The following PLEKHG2 variants were observed in gnomAD, a reference collection of about 807,000 sequenced individuals.
The protein encoded by PLEKHG2 is pleckstrin homology and RhoGEF domain containing G2.
PLEKHG2 carries 71 observed loss-of-function variants against 104.4 expected under a neutral mutation model. The ratio of observed to expected loss-of-function variants is 0.68; its 90% CI spans 0.56 to 0.83. The LOEUF is 0.83. PLEKHG2 is among the 40% of genes least tolerant of loss of function. The probability of loss-of-function intolerance (pLI) is 0.00; values close to 1 mark genes in which losing one functional copy is unlikely to be tolerated. For missense variants in PLEKHG2, 1,730 were observed against 1,809.4 expected (o/e 0.96, Z 0.80); for synonymous variants, 728 against 737.0 (o/e 0.99, Z 0.20).
intron 16 of PLEKHG2, chr19:39,421,797 A>T: frequency 4.2e-6 from 1 of 235,774 alleles, no homozygotes. Context: ...TAGGTGGATC[A>T]TCTGAGATCA....
rs774015518 is a variant in PLEKHG2 at position 39,424,111 on chromosome 19, G to T, written c.2978G>T (p.Ser993Ile). Residue 993 changes from serine (S) to isoleucine (I), a missense_variant, in exon 19 of 19, where the codon AGT becomes ATT. Transcript: ENST00000425673. ...PATTPLPEHR[S>I]HMVIPAPSTA... ...ACCACTCCTTTGCCTGAGCATAGAA[G>T]TCACATGGTTATACCAGCTCCATCC... The T allele has an allele frequency of 1.9e-6, 3 of 1,614,028 alleles. No homozygotes were observed. The highest frequency in any genetic ancestry group is 1.7e-4 in the Middle Eastern group (1 of 6,060).
chr19:39,418,032 T>A lies in PLEKHG2; in HGVS notation c.1010T>A (p.Leu337His). The change falls in exon 9 of 19, where the codon CTC becomes CAC. Residue 337 changes from leucine (L) to histidine (H), a missense_variant. By Grantham distance (99) the Leu-to-His change is moderately conservative. Transcript: ENST00000425673. The stretch of plus-strand genomic sequence containing the variant: ...CGGCTACGAGGGGGTGAGCGGCTGC[T>A]CTTCCTGTTCTCTCGGATGCTGCTG... The part of the protein sequence containing the change: ...GPRLRGGERL[L>H]FLFSRMLLVA... The A allele has an allele frequency of 6.4e-7, 1 of 1,555,820 alleles. No individual in the cohort carries two copies. The highest frequency in any genetic ancestry group is 8.7e-7 in the Non-Finnish European group (1 of 1,151,142).
rs1021204898 is a variant in PLEKHG2 at position 39,422,865 on chromosome 19, T to C, written c.1811T>C (p.Met604Thr). Residue 604 changes from methionine (M) to threonine (T), a missense_variant, in exon 18 of 19, where the codon ATG becomes ACG. Transcript: ENST00000425673. ...GAGGAGGAAGAGGAAGGGCTGGAGA[T>C]GGATGAACGGGGGCCTTCCCCACTC... ...EEEEEEEGLEMDERGPSPLHV... is the reference protein window; with the variant it reads ...EEEEEEEGLETDERGPSPLHV... 6.3e-7 allele frequency: 1 copy of C among 1,578,124 alleles called. No individual in the cohort carries two copies. Among genetic ancestry groups the C allele is most frequent in the Non-Finnish European group, 8.6e-7 (1 of 1,160,282 alleles).
At position 39,422,752 on chromosome 19, in the gene PLEKHG2, C is replaced by A. The variant is rs2078719524; in HGVS notation, c.1698C>A (p.Pro566=). The A allele has an allele frequency of 1.3e-6, 2 of 1,522,278 alleles. No individual in the cohort carries two copies. 94.3% of individuals were successfully genotyped at this position (1,522,278 alleles called of 1,614,324 possible). Residue 566 remains proline, a synonymous_variant, in exon 18 of 19, where the codon CCC becomes CCA. Coordinates refer to ENST00000425673, the MANE Select transcript of PLEKHG2 (RefSeq NM_022835.3). ...RDPGPSTHDI[P]KFPGDSQVPG... is the part of the protein sequence containing the mutation. ...TATAGCCGTCCACCCATGACATTCC[C>A]AAGTTCCCCGGAGACTCCCAGGTGC...
At position 39,423,257 on chromosome 19, in the gene PLEKHG2, G is replaced by C; in HGVS notation, c.2203G>C (p.Asp735His). ...AGGAGGCAAGGCAGGGCCAGAGGAG[G>C]ATGAAGAAGGGGTATCATTCACAGA... ...PSGGKAGPEE[D>H]EEGVSFTDFQ... Residue 735 changes from aspartate (D) to histidine (H), a missense_variant, in exon 18 of 19, where the codon GAT becomes CAT. By Grantham distance (81) the Asp-to-His change is moderately conservative. Transcript: ENST00000425673. The C allele has an allele frequency of 1.9e-6, 3 of 1,614,062 alleles. No homozygotes were observed. Among genetic ancestry groups the C allele is most frequent in the Non-Finnish European group, 2.5e-6 (3 of 1,179,916 alleles).
intron 8 of PLEKHG2, 56 bp downstream of exon 8, chr19:39,417,748 G>A (rs2078630201): frequency 2.0e-6 from 3 of 1,530,952 alleles, no homozygotes; most frequent in Non-Finnish European, 2.6e-6. Context: ...AGGGGGCCTT[G>A]GGGCGGGTGG....
At position 39,417,915 on chromosome 19, in the gene PLEKHG2, G is replaced by A. The variant is rs1450385453; in HGVS notation, c.893G>A (p.Arg298Gln). The part of the protein sequence containing the change: ...EHAARLQEVQ[R>Q]RLGGWTGPEL... ...GCGGGGTCCCGGCAGGAAGTGCAGC[G>A]GCGGCTGGGTGGCTGGACCGGACCA... Residue 298 changes from arginine to glutamine, a missense_variant, in exon 9 of 19, where the codon CGG becomes CAG. Transcript: ENST00000425673. 6 of 1,541,320 alleles carry A rather than the reference G, an allele frequency of 3.9e-6. No homozygotes were observed. Among genetic ancestry groups the A allele is most frequent in the South Asian group, 2.4e-5 (2 of 83,746 alleles).
intron 9 of PLEKHG2, 142 bp from the exon 10 acceptor site, chr19:39,418,592 G>T: frequency 1.6e-6 from 1 of 628,276 alleles, no homozygotes; most frequent in South Asian, 2.1e-5. Context: ...AAAAAAAAAG[G>T]GAGAGGAAAC....
In PLEKHG2 at chr19:39,423,146, C is replaced by T. The variant is rs1323250548; in HGVS notation, c.2092C>T (p.Pro698Ser). 1 of 1,613,748 alleles carries T rather than the reference C, an allele frequency of 6.2e-7. No homozygotes were observed. The highest frequency in any genetic ancestry group is 1.1e-5 in the South Asian group (1 of 91,054). ...TLSCDSWLQG[P>S]LQEPAEAPAT... The stretch of plus-strand genomic sequence containing the variant: ...CTCCTGTGACTCCTGGCTCCAAGGG[C>T]CTCTGCAGGAACCAGCTGAGGCTCC... Residue 698 changes from proline (P) to serine (S), a missense_variant, in exon 18 of 19, where the codon CCT becomes TCT. By Grantham distance (74) the Pro-to-Ser change is moderately conservative. Transcript: ENST00000425673.
chr19:39,414,184 AGACTCG>A lies in PLEKHG2; in HGVS notation c.102_107del (p.Arg35_Thr36del). On this transcript the variant is annotated inframe_deletion, in exon 2 of 19. Transcript: ENST00000425673. ...GTGTGTGACTGTGGCACCGTGTGTG[AGACTCG>A]GACAGGTGAGCCTAGAGGCAGGGGC... The A allele has an allele frequency of 2.6e-6, 4 of 1,551,278 alleles. No homozygotes were observed. The highest frequency in any genetic ancestry group is 2.6e-6 in the Non-Finnish European group (3 of 1,146,748).
chr19:39,420,548 T>C (rs2078682574), intron 11 of PLEKHG2, 78 bp from the exon 12 acceptor site: 10 of 1,591,932 alleles, frequency 6.3e-6, no homozygotes, highest in South Asian at 4.4e-5. Flanking sequence ...TTAATGGGCA[T>C]GACTACGGTG....
intron 7 of PLEKHG2, 110 bp from the exon 8 acceptor site, chr19:39,417,445 G>T: frequency 1.5e-6 from 2 of 1,378,890 alleles, no homozygotes; most frequent in Non-Finnish European, 9.7e-7. Flanking sequence ...GAGCCACTGC[G>T]CCTGGCCTCT....
chr19:39,424,689 C>CT lies in PLEKHG2; in HGVS notation c.3558dup (p.Thr1187TyrfsTer30). On this transcript the variant is annotated frameshift_variant, in exon 19 of 19. Coordinates refer to ENST00000425673, the MANE Select transcript of PLEKHG2 (RefSeq NM_022835.3). LOFTEE classifies it low-confidence loss of function (END_TRUNC). ...TGCACCTCCACTTCCGGAGCCAAGC[C>CT]TTACAGATACACAGGTCCAAAAACT... is the stretch of plus-strand genomic sequence containing the variant. The CT allele has an allele frequency of 6.2e-7, 1 of 1,614,194 alleles. No individual in the cohort carries two copies. Among genetic ancestry groups the CT allele is most frequent in the Non-Finnish European group, 8.5e-7 (1 of 1,180,040 alleles).
In PLEKHG2 at chr19:39,424,746, G is replaced by T; in HGVS notation, c.3613G>T (p.Asp1205Tyr). Residue 1205 changes from aspartate to tyrosine, a missense_variant, in exon 19 of 19, where the codon GAT (aspartate) becomes TAT (tyrosine). Physicochemically the swap from Asp to Tyr is radical, Grantham distance 160. Transcript: ENST00000425673. The part of the protein sequence containing the change: ...TPSLEQKSLI[D>Y]AHVPAATPLP... ...TTCGTTGGAGCAGAAGAGCCTCATA[G>T]ATGCCCATGTTCCAGCTGCCACACC... 6.2e-7 allele frequency: 1 copy of T among 1,614,214 alleles called. No individual in the cohort carries two copies. Among genetic ancestry groups the T allele is most frequent in the South Asian group, 1.1e-5 (1 of 91,082 alleles).
rs201310352 is a variant in PLEKHG2, at chr19:39,423,454, C to A, written c.2400C>A (p.Ser800Arg). The change falls in exon 18 of 19, where the codon AGC becomes AGA. Residue 800 changes from serine (S) to arginine (R), a missense_variant. Physicochemically the swap from Ser to Arg is moderately radical, Grantham distance 110. Transcript: ENST00000425673. ...AGGATTCGGATCTGGGTGGAGACAG[C>A]GGGAGCGGGAAGGCAGGAGCCCCGA... ...ILEDSDLGGD[S>R]GSGKAGAPSS... 9.4e-6 allele frequency: 15 copies of A among 1,604,268 alleles called. No individual in the cohort carries two copies. The highest frequency in any genetic ancestry group is 1.2e-5 in the Non-Finnish European group (14 of 1,174,022).
chr19:39,422,627 G>T, intron 17 of PLEKHG2, 105 bp from the exon 18 acceptor site: 1 of 1,398,748 alleles, frequency 7.1e-7, no homozygotes, highest in South Asian at 1.8e-5. Context: ...AACCTCAAGT[G>T]ACCCGCCCAC....
In PLEKHG2 at chr19:39,414,982, AC is replaced by A; in HGVS notation, c.110-6del. The A allele has an allele frequency of 6.3e-7, 1 of 1,581,172 alleles. No individual in the cohort carries two copies. The highest frequency in any genetic ancestry group is 8.6e-7 in the Non-Finnish European group (1 of 1,161,268). The stretch of plus-strand genomic sequence containing the variant: ...AGATTTCTCTGACCTCCTGTTCCAC[AC>A]CCCAGCAGCTCCTGCAGCCCCCACC... On this transcript the variant is annotated splice_polypyrimidine_tract_variant and intron_variant, in intron 2 of 18. Transcript: ENST00000425673.
Position 39,413,434 on chromosome 19 carries a change from C to G in PLEKHG2, c.-23+22C>G, listed in dbSNP as rs1426778294. On this transcript the variant is annotated intron_variant, in intron 1 of 18. Transcript: ENST00000425673. This position sits in a 1 kb window ranked among gnomAD's most constrained non-coding sequence, Gnocchi z 4.5. ...GGAGGTGAGGGGGGAGGCGAGGGGC[C>G]CAGGCGGACTGGGGGAGGGGGCGGC... 1 of 151,936 alleles carries G rather than the reference C, an allele frequency of 6.6e-6. No individual in the cohort carries two copies. The allele number at this position is 151,936 out of a possible 1,614,324, so 9.4% of individuals were successfully genotyped here.
Position 39,423,722 on chromosome 19 carries a change from T to A in PLEKHG2, c.2600-11T>A, listed in dbSNP as rs1317471057. 1 of 1,603,066 alleles carries A rather than the reference T, an allele frequency of 6.2e-7. No individual in the cohort carries two copies. Among genetic ancestry groups the A allele is most frequent in the South Asian group, 1.1e-5 (1 of 89,866 alleles). ...GTAGTGGTCCTGACTCGATCCTCTT[T>A]TCGCATTCAGGGCTCCTGCCTGCCT... is the stretch of plus-strand genomic sequence containing the variant. On this transcript the variant is annotated splice_polypyrimidine_tract_variant and intron_variant, in intron 18 of 18. Coordinates refer to ENST00000425673, the MANE Select transcript of PLEKHG2 (RefSeq NM_022835.3).
Sources: allele counts gnomAD v4.1 joint callset, GRCh38; gene constraint gnomAD v4.1.1; non-coding constraint Gnocchi (gnomAD v3.1); transcripts MANE v1.5; gene names NCBI Gene and HGNC (gene_info 2026-07-23, HGNC 2026-07-21).